DPY19L3: variants seen among roughly 807,000 people sequenced by gnomAD.
DPY19L3 encodes protein C-mannosyl-transferase DPY19L3.
DPY19L3 carries 51 observed loss-of-function variants against 92.3 expected under a neutral mutation model. The ratio of observed to expected loss-of-function variants is 0.55; its 90% confidence interval spans 0.44 to 0.70. The LOEUF (loss-of-function observed/expected upper bound fraction) is 0.70, where lower values mean the gene tolerates loss of function less well. Among genes scored for constraint, DPY19L3 ranks in the 30% least tolerant of loss-of-function variants. The pLI is 0.00. For missense variants in DPY19L3, 706 were observed against 855.9 expected (o/e 0.82, Z 2.18); for synonymous variants, 309 against 315.2 (o/e 0.98, Z 0.21).
Position 32,485,504 on chromosome 19 carries a change from A to G in DPY19L3, c.*3264A>G, listed in dbSNP as rs371029197. The G allele has an allele frequency of 7.2e-5, 11 of 152,356 alleles. No homozygotes were observed. The highest frequency in any genetic ancestry group is 2.6e-4 in the African/African-American group (11 of 41,582). The allele number at this position is 152,356 out of a possible 1,614,324, so 9.4% of individuals were successfully genotyped here. A position where few individuals can be genotyped will look rare whatever the true frequency, so the allele number is the denominator to read the frequency against. On this transcript the variant is annotated 3_prime_UTR_variant, in exon 19 of 19. Coordinates refer to ENST00000392250, the MANE Select transcript of DPY19L3 (RefSeq NM_001172774.2). ...CTGCATCTTTATTTCACAGTTAACT[A>G]AAAGTAAAAATGTCTATTCTGATTC...
rs1599684443 is a variant in DPY19L3 at position 32,480,456 on chromosome 19, T to G, written c.1888T>G (p.Phe630Val). 6.2e-7 allele frequency: 1 copy of G among 1,614,200 alleles called. No homozygotes were observed. Among genetic ancestry groups the G allele is most frequent in the African/African-American group, 1.3e-5 (1 of 75,070 alleles). ...GGAAGTGCATGCCCTCCTAAGGTCC[T>G]TCGGCACTGACTACGTAATCCTGGA... Reference protein sequence around the residue: ...PEEVHALLRSFGTDYVILEDS... With the variant: ...PEEVHALLRSVGTDYVILEDS... The change falls in exon 18 of 19, where the codon TTC (phenylalanine) becomes GTC (valine). Residue 630 changes from phenylalanine to valine, a missense_variant. By Grantham distance (50) the Phe-to-Val change is conservative. Coordinates refer to ENST00000392250, the MANE Select transcript of DPY19L3 (RefSeq NM_001172774.2).
At chr19:32,454,467 G>C (rs1003776960) in intron 9 of DPY19L3, among the ~76,000 whole-genome samples, 1 of 152,098 alleles carries the variant, frequency 6.6e-6, no homozygotes, top group Non-Finnish European at 1.5e-5. Flanking sequence ...CCAGCTACTC[G>C]GGAGGCTGAG....
chr19:32,411,295 G>T lies in DPY19L3; in HGVS notation c.160G>T (p.Ala54Ser), dbSNP rs150957517. ...ILSLTIGGTI[A>S]LCIGLLTSVY... is the part of the protein sequence containing the mutation. ...GTCATTGACAATTGGTGGAACCATT[G>T]CCCTTTGCATTGGACTTCTTACATC... Residue 54 changes from alanine to serine, a missense_variant, in exon 3 of 19, where the codon GCC becomes TCC. By Grantham distance (99) the Ala-to-Ser change is moderately conservative (BLOSUM62 1). Coordinates refer to ENST00000392250, the MANE Select transcript of DPY19L3 (RefSeq NM_001172774.2). 7.5e-5 allele frequency: 121 copies of T among 1,613,492 alleles called. No homozygotes were observed. In the Middle Eastern group the frequency reaches 2.1e-3, roughly 28 times the overall value.
chr19:32,438,397 A>G (rs2145496745), intron 6 of DPY19L3, among the ~76,000 whole-genome samples: 1 of 152,256 alleles, frequency 6.6e-6, no homozygotes, highest in Non-Finnish European at 1.5e-5. Context: ...TAAAGGTTAC[A>G]TTTTGTATAT....
intron 7 of DPY19L3, 28 bp from the exon 8 acceptor site, chr19:32,439,748 A>G: frequency 6.2e-7 from 1 of 1,607,424 alleles, no homozygotes; most frequent in Admixed American, 1.7e-5. Context: ...AGAGACATGT[A>G]AATTATACAA....
At chr19:32,463,288 T>C (rs1226456746) in intron 12 of DPY19L3, 78 bp from the exon 13 acceptor site, 2 of 1,490,770 alleles carry the variant, frequency 1.3e-6, no homozygotes, top group African/African-American at 2.8e-5. Context: ...CATACATTTC[T>C]TGTATCTTCT....
chr19:32,414,758 A>G (rs563135297), intron 3 of DPY19L3, among the ~76,000 whole-genome samples: 4 of 152,388 alleles, frequency 2.6e-5, no homozygotes, highest in African/African-American at 9.6e-5. Context: ...GTTGAAAGAG[A>G]TCATATAACT....
rs770533388 is a variant in DPY19L3, at chr19:32,411,466, A to G, written c.237+94A>G. The G allele has an allele frequency of 5.8e-6, 8 of 1,381,308 alleles. No homozygotes were observed. The African/African-American group carries it at 7.2e-5, about 12-fold the overall frequency. 85.6% of individuals were successfully genotyped at this position (1,381,308 alleles called of 1,614,324 possible). A position where few individuals can be genotyped will look rare whatever the true frequency, so the allele number is the denominator to read the frequency against. ...ATGACCAAGGCAACACAGTTTTGCC[A>G]TAAAGAATCCAATCTCTAGAAAGGT... On this transcript the variant is annotated intron_variant, in intron 3 of 18. Coordinates refer to ENST00000392250, the MANE Select transcript of DPY19L3 (RefSeq NM_001172774.2).
At chr19:32,475,477 G>T (rs776058627) in intron 16 of DPY19L3, among the ~76,000 whole-genome samples, 1 of 152,206 alleles carries the variant, frequency 6.6e-6, no homozygotes, top group East Asian at 1.9e-4. Flanking sequence ...TCAAGTTATC[G>T]TATCGTTGAT....
Position 32,462,205 on chromosome 19 carries a change from C to A in DPY19L3, c.1323-1161C>A, listed in dbSNP as rs138540693. Among the ~76,000 whole-genome samples, 569 of 152,158 alleles carry A rather than the reference C, an allele frequency of 3.7e-3. 6 individuals carry two copies. The highest frequency in any genetic ancestry group is 0.013 in the African/African-American group (529 of 41,492). On this transcript the variant is annotated intron_variant, in intron 12 of 18. Coordinates refer to ENST00000392250, the MANE Select transcript of DPY19L3 (RefSeq NM_001172774.2). The stretch of plus-strand genomic sequence containing the variant: ...ACAATACAGGGACATTTAAATGTAT[C>A]TTACTTTATTAGTAGTTTAGTAGCT...
intron 3 of DPY19L3, among the ~76,000 whole-genome samples, chr19:32,420,221 A>C (rs949823338): frequency 3.9e-5 from 6 of 152,014 alleles, no homozygotes; most frequent in African/African-American, 1.2e-4. Flanking sequence ...CATCAGTGCT[A>C]AGTAGCTTCC....
At chr19:32,409,827 G>C (rs1968114586) in intron 2 of DPY19L3, among the ~76,000 whole-genome samples, 1 of 152,122 alleles carries the variant, frequency 6.6e-6, no homozygotes, top group African/African-American at 2.4e-5. Flanking sequence ...TCACCAACCT[G>C]TTTATAAGGG....
At chr19:32,480,746 G>T (rs572422300) in intron 18 of DPY19L3, 189 bp downstream of exon 18, 128 of 780,246 alleles carry the variant, frequency 1.6e-4, no homozygotes, top group Non-Finnish European at 1.5e-4. Context: ...CCGGGGCTGG[G>T]CAAGGGAGAG....
Position 32,439,111 on chromosome 19 carries a change from GAATAGAT to G in DPY19L3, c.598_604del (p.Ile200ProfsTer10). The G allele has an allele frequency of 6.2e-7, 1 of 1,610,664 alleles. No individual in the cohort carries two copies. Among genetic ancestry groups the G allele is most frequent in the South Asian group, 1.1e-5 (1 of 90,560 alleles). ...GGCCATTTGTGTTTTCTTTTGTGCAGAATAGATACCACAAGAGTTGAGTTTACCATCC... is the reference window on the plus strand; with the variant it reads ...GGCCATTTGTGTTTTCTTTTGTGCAGACCACAAGAGTTGAGTTTACCATCC... On this transcript the variant is annotated frameshift_variant and splice_region_variant, in exon 7 of 19. Transcript: ENST00000392250. LOFTEE classifies it high-confidence loss of function.
At chr19:32,471,534 G>A (rs748470493) in intron 16 of DPY19L3, among the ~76,000 whole-genome samples, 2 of 152,136 alleles carry the variant, frequency 1.3e-5, no homozygotes, top group Non-Finnish European at 2.9e-5. Flanking sequence ...CACCCCTTAC[G>A]TGACGTGTTG....
intron 15 of DPY19L3, among the ~76,000 whole-genome samples, chr19:32,465,726 A>G (rs907264334): frequency 3.2e-4 from 48 of 152,262 alleles, no homozygotes; most frequent in Admixed American, 6.5e-4. Flanking sequence ...GCTAAATACT[A>G]TATTGTAAAT....
At chr19:32,481,950 G>A (rs1970684996) in intron 18 of DPY19L3, 129 bp from the exon 19 acceptor site, 2 of 1,055,800 alleles carry the variant, frequency 1.9e-6, no homozygotes, top group Admixed American at 2.7e-5. Flanking sequence ...GGTGCCCATG[G>A]ACATTGAAAT....
At chr19:32,422,629 A>ACACAC (rs140226412) in intron 3 of DPY19L3, among the ~76,000 whole-genome samples, 9 of 146,722 alleles carry the variant, frequency 6.1e-5, no homozygotes, top group South Asian at 2.2e-4. Flanking sequence ...AATCAGGAAA[A>ACACAC]ACACACACAC....
intron 3 of DPY19L3, among the ~76,000 whole-genome samples, chr19:32,417,008 C>CT (rs1968400631): frequency 6.6e-6 from 1 of 152,232 alleles, no homozygotes; most frequent in Non-Finnish European, 1.5e-5. Flanking sequence ...CTGTCACCTG[C>CT]TAGCCCAGGC....
Sources: allele counts gnomAD v4.1 joint callset (sites outside exome capture counted in the v4.1 genomes callset), GRCh38; gene constraint gnomAD v4.1.1; transcripts MANE v1.5; gene names NCBI Gene and HGNC (gene_info 2026-07-23, HGNC 2026-07-21).